MBD5: variants seen among roughly 807,000 people sequenced by gnomAD.
MBD5 encodes methyl-CpG binding domain protein 5, also known as methyl-CpG-binding domain protein 5.
In MBD5, 13 loss-of-function variants were observed where a neutral mutation model predicts 117.3. The ratio of observed to expected loss-of-function variants is 0.11; its 90% CI spans 0.07 to 0.18. The LOEUF (loss-of-function observed/expected upper bound fraction) is 0.18, where lower values mean the gene tolerates loss of function less well. MBD5 is among the 10% of genes least tolerant of loss of function. The probability of loss-of-function intolerance (pLI) is 1.00; values close to 1 mark genes in which losing one functional copy is unlikely to be tolerated. For synonymous variants in MBD5, 727 were observed against 766.4 expected (o/e 0.95, Z 0.85); for missense variants, 1,879 against 2,093.8 (o/e 0.90, Z 2.00).
chr2:148,060,171 T>C (rs1694991646), intron 1 of MBD5, among the ~76,000 whole-genome samples: 1 of 98,452 alleles, frequency 1.0e-5, no homozygotes, highest in African/African-American at 4.1e-5. Context: ...AAGCCAGGCA[T>C]GGTGGTGCAG....
intron 1 of MBD5, among the ~76,000 whole-genome samples, chr2:148,168,928 GATATATATAC>G (rs1406568042): frequency 6.8e-6 from 1 of 147,910 alleles, no homozygotes; most frequent in Non-Finnish European, 1.5e-5. Context: ...ATATATATAG[GATATATATAC>G]ATATATATAC....
intron 4 of MBD5, among the ~76,000 whole-genome samples, chr2:148,382,191 T>A (rs1704169386): frequency 6.6e-6 from 1 of 151,118 alleles, no homozygotes; most frequent in South Asian, 2.1e-4. Context: ...CCCATCAGTG[T>A]GCTGTATTCA....
chr2:148,333,680 G>GA (rs199930605), intron 3 of MBD5, among the ~76,000 whole-genome samples: 98 of 145,844 alleles, frequency 6.7e-4, no homozygotes, highest in Middle Eastern at 7.0e-3. Flanking sequence ...TGTCTCTGCT[G>GA]AAAAAAAAAA....
chr2:148,181,963 T>C (rs62183925), intron 2 of MBD5, among the ~76,000 whole-genome samples: 13,569 of 152,148 alleles, frequency 0.089, 659 homozygotes, highest in South Asian at 0.14. Context: ...TTTTTTGAAA[T>C]AGATTATTAT....
At chr2:148,068,823 A>G (rs867373969) in intron 1 of MBD5, among the ~76,000 whole-genome samples, 1 of 152,154 alleles carries the variant, frequency 6.6e-6, no homozygotes, top group African/African-American at 2.4e-5. Flanking sequence ...TGTTGATAAG[A>G]TTCTTCTAAT....
intron 4 of MBD5, among the ~76,000 whole-genome samples, chr2:148,361,613 A>G (rs1703534933): frequency 6.6e-6 from 1 of 152,190 alleles, no homozygotes; most frequent in South Asian, 2.1e-4. Flanking sequence ...CATTATCTAT[A>G]TAGTCAGAGA....
Position 148,515,184 on chromosome 2 carries a change from T to C in MBD5, c.*2243T>C, listed in dbSNP as rs1388025974. On this transcript the variant is annotated 3_prime_UTR_variant, in exon 14 of 14. Coordinates refer to ENST00000642680, the MANE Select transcript of MBD5 (RefSeq NM_001378120.1). ...TTTGTATGCTGGGTGTGTCTGTATG[T>C]GTGTATGTGTTGATATGTAAATTTT... is the stretch of plus-strand genomic sequence containing the variant. The C allele has an allele frequency of 6.6e-6, 1 of 152,162 alleles. No homozygotes were observed. The highest frequency in any genetic ancestry group is 1.5e-5 in the Non-Finnish European group (1 of 68,038). 9.4% of individuals were successfully genotyped at this position (152,162 alleles called of 1,614,324 possible). A position where few individuals can be genotyped will look rare whatever the true frequency, so the allele number is the denominator to read the frequency against.
chr2:148,038,811 TA>T (rs1175501542), intron 1 of MBD5, among the ~76,000 whole-genome samples: 1 of 152,018 alleles, frequency 6.6e-6, no homozygotes, highest in Non-Finnish European at 1.5e-5. Context: ...TGTTACTGTT[TA>T]AATTATACCA....
At chr2:148,120,268 G>A (rs1696737249) in intron 1 of MBD5, among the ~76,000 whole-genome samples, 1 of 152,094 alleles carries the variant, frequency 6.6e-6, no homozygotes, top group African/African-American at 2.4e-5. Context: ...TTTTTAAGAT[G>A]GTTTTGGTTA....
intron 1 of MBD5, among the ~76,000 whole-genome samples, chr2:148,033,393 T>C (rs1316109519): frequency 6.6e-6 from 1 of 152,192 alleles, no homozygotes; most frequent in African/African-American, 2.4e-5. Context: ...CTTGGAGTGA[T>C]ACTTTAAAGA....
intron 4 of MBD5, among the ~76,000 whole-genome samples, chr2:148,397,523 G>T (rs947957955): frequency 7.2e-5 from 11 of 151,930 alleles, no homozygotes; most frequent in African/African-American, 2.4e-4. Flanking sequence ...TAGAGACAGG[G>T]TTTCACCATG....
chr2:148,377,570 T>A (rs1002077748), intron 4 of MBD5, among the ~76,000 whole-genome samples: 1 of 152,238 alleles, frequency 6.6e-6, no homozygotes, highest in African/African-American at 2.4e-5. Context: ...TTACACTTTC[T>A]CTGCGTTTCT....
intron 3 of MBD5, among the ~76,000 whole-genome samples, chr2:148,298,102 T>A (rs923377453): frequency 1.3e-5 from 2 of 152,190 alleles, no homozygotes; most frequent in South Asian, 4.1e-4. Context: ...GCCCTAAGGG[T>A]GAGCTGGGGC....
chr2:148,282,880 T>C (rs1701282065), intron 3 of MBD5, among the ~76,000 whole-genome samples: 1 of 146,192 alleles, frequency 6.8e-6, no homozygotes, highest in African/African-American at 2.5e-5. Flanking sequence ...CCATATAGAC[T>C]GACTTTTAAG....
intron 1 of MBD5, among the ~76,000 whole-genome samples, chr2:148,137,406 C>T (rs1341796854): frequency 6.6e-6 from 1 of 152,174 alleles, no homozygotes; most frequent in Non-Finnish European, 1.5e-5. Flanking sequence ...CACCTCTGTT[C>T]CTTTTCTGGT....
chr2:148,361,873 G>A lies in MBD5; in HGVS notation c.-557+19537G>A, dbSNP rs115430202. ...AGTGAGTGCAGCCCTCCCGACTGGG[G>A]AAGCACAAGGGGTTGGGGAACTCCC... On this transcript the variant is annotated intron_variant, in intron 4 of 13. Transcript: ENST00000642680. Among the ~76,000 whole-genome samples the A allele has an allele frequency of 9.0e-3, 1,372 of 152,330 alleles. 22 individuals carry two copies. The highest frequency in any genetic ancestry group is 0.032 in the African/African-American group (1,316 of 41,578).
At chr2:148,028,656 A>C (rs571340912) in intron 1 of MBD5, 84 of 152,200 alleles carry the variant, frequency 5.5e-4, no homozygotes, top group African/African-American at 1.9e-3. Context: ...GAAATATTCC[A>C]CATTCAATAA....
intron 3 of MBD5, among the ~76,000 whole-genome samples, chr2:148,330,120 C>CACACACACACACACACA (rs1553501700): frequency 1.4e-5 from 2 of 145,510 alleles, no homozygotes; most frequent in Admixed American, 7.1e-5. Context: ...CACACACACT[C>CACACACACACACACACA]TACCTTAGGC....
intron 3 of MBD5, chr2:148,244,476 G>A (rs1008381693): frequency 7.2e-5 from 11 of 152,002 alleles, no homozygotes; most frequent in Non-Finnish European, 1.5e-4. Context: ...TCTATATTAT[G>A]TGAGTTTTTT....
Sources: allele counts gnomAD v4.1 joint callset (sites outside exome capture counted in the v4.1 genomes callset), GRCh38; gene constraint gnomAD v4.1.1; transcripts MANE v1.5; gene names NCBI Gene and HGNC (gene_info 2026-07-23, HGNC 2026-07-21).